Variants in KIRREL3 observed in about 807,000 individuals in gnomAD.
KIRREL3 encodes kirre like nephrin family adhesion molecule 3.
Under a neutral mutation model 89.7 loss-of-function variants are expected in KIRREL3, and 36 were observed. The ratio of observed to expected loss-of-function variants is 0.40; its 90% CI spans 0.31 to 0.53. The LOEUF (loss-of-function observed/expected upper bound fraction) is 0.53. KIRREL3 is among the 20% of genes least tolerant of loss of function. KIRREL3 has a pLI of 0.49. For synonymous variants in KIRREL3, 445 were observed against 441.4 expected, an observed-to-expected ratio of 1.01 and a Z score of -0.10; for missense variants, 864 against 1,056.6, an observed-to-expected ratio of 0.82 and a Z score of 2.53.
chr11:126,479,702 G>A (rs1957169997), intron 4 of KIRREL3, among the ~76,000 whole-genome samples: 1 of 152,204 alleles, frequency 6.6e-6, no homozygotes, highest in African/African-American at 2.4e-5. Flanking sequence ...TTCACAGGCT[G>A]CCTGCTCCCT....
chr11:126,683,119 G>T lies in KIRREL3; in HGVS notation c.56-120207C>A, dbSNP rs180682059. ...GATCTTACCGCCTCAGCCTTCCAAA[G>T]TGTTGCAATTACAAGCGTGAGCCAC... On this transcript the variant is annotated intron_variant, in intron 1 of 16. Transcript: ENST00000525144. The surrounding 1 kb of genome is among the most constrained non-coding windows in gnomAD (Gnocchi z 5.2). Among the ~76,000 whole-genome samples, 4 of 152,216 alleles carry T rather than the reference G, an allele frequency of 2.6e-5. No individual in the cohort carries two copies. The highest frequency in any genetic ancestry group is 2.0e-4 in the Admixed American group (3 of 15,300).
At chr11:127,001,719 T>C (rs66464640), upstream of KIRREL3, among the ~76,000 whole-genome samples, 20,300 of 151,778 alleles carry the variant, frequency 0.13, 1,537 homozygotes, top group Admixed American at 0.19. Flanking sequence ...ATTTACTTAA[T>C]AGACATTTAG....
intron 1 of KIRREL3, among the ~76,000 whole-genome samples, chr11:126,937,439 T>C (rs1948239075): frequency 6.6e-6 from 1 of 152,214 alleles, no homozygotes; most frequent in African/African-American, 2.4e-5. Flanking sequence ...GCAGGCGCTC[T>C]TGGTTGACAG....
Position 126,764,234 on chromosome 11 carries a change from C to T in KIRREL3, c.56-201322G>A, listed in dbSNP as rs1282024540. The stretch of plus-strand genomic sequence containing the variant: ...CCTGGAAAGGCATCAGACAGCAGGT[C>T]GCTCTGGTCAATGGGCCCACGGCAG... On this transcript the variant is annotated intron_variant, in intron 1 of 16. Transcript: ENST00000525144. The surrounding 1 kb of genome is among the most constrained non-coding windows in gnomAD (Gnocchi z 4.2). Among the ~76,000 whole-genome samples, 2 of 152,144 alleles carry T rather than the reference C, an allele frequency of 1.3e-5. No homozygotes were observed. The highest frequency in any genetic ancestry group is 6.5e-5 in the Admixed American group (1 of 15,276).
rs745898659 is a variant in KIRREL3 at position 126,463,293 on chromosome 11, G to A, written c.606C>T (p.Asp202=). Residue 202 remains aspartate, a synonymous_variant, in exon 6 of 17, where the codon GAC becomes GAT. Coordinates refer to ENST00000525144, the MANE Select transcript of KIRREL3 (RefSeq NM_032531.4). This position sits in a 1 kb window ranked among gnomAD's most constrained non-coding sequence, Gnocchi z 5.9. The part of the protein sequence containing the change: ...GATYSKTLLR[D]GKRESIVSTL... ...TGCTGACGATGCTCTCCCGCTTGCC[G>A]TCCCGAAGCAGGGTCTTGGGAGAAA... 1.4e-5 allele frequency: 22 copies of A among 1,613,186 alleles called. No homozygotes were observed. Among genetic ancestry groups the A allele is most frequent in the South Asian group, 3.3e-5 (3 of 90,970 alleles).
Position 126,521,280 on chromosome 11 carries a change from G to A in KIRREL3, c.433+35C>T, listed in dbSNP as rs1397913127. ...TGGAGCTGAGCCCTTGGTGCTTCAC[G>A]CAGTGTCCCAGCCCCGTGTGCAGAT... On this transcript the variant is annotated intron_variant, in intron 4 of 16. Coordinates refer to ENST00000525144, the MANE Select transcript of KIRREL3 (RefSeq NM_032531.4). The surrounding 1 kb of genome is among the most constrained non-coding windows in gnomAD (Gnocchi z 4.1). The A allele has an allele frequency of 8.7e-6, 13 of 1,488,394 alleles. No homozygotes were observed. Among genetic ancestry groups the A allele is most frequent in the South Asian group, 6.7e-5 (5 of 74,630 alleles). The allele number at this position is 1,488,394 out of a possible 1,614,324, so 92.2% of individuals were successfully genotyped here. A position where few individuals can be genotyped will look rare whatever the true frequency, so the allele number is the denominator to read the frequency against.
chr11:126,864,480 T>C (rs1350524947), intron 1 of KIRREL3, among the ~76,000 whole-genome samples: 1 of 152,192 alleles, frequency 6.6e-6, no homozygotes, highest in East Asian at 1.9e-4. Context: ...GGTGGCACAG[T>C]TCTGGAATTC....
At position 126,991,977 on chromosome 11, in the gene KIRREL3, A is replaced by C. The variant is rs74811808; in HGVS notation, c.55+8478T>G. On this transcript the variant is annotated intron_variant, in intron 1 of 16. Coordinates refer to ENST00000525144, the MANE Select transcript of KIRREL3 (RefSeq NM_032531.4). The surrounding 1 kb of genome is among the most constrained non-coding windows in gnomAD (Gnocchi z 5.8). ...ATGACAGCAATAATGCCCACTTCTC[A>C]TTACTTCTGCTGATGAAATGAGGTA... 4.7e-3 allele frequency among the ~76,000 whole-genome samples: 718 copies of C among 152,334 alleles called. 10 individuals carry two copies. The highest frequency in any genetic ancestry group is 0.016 in the African/African-American group (667 of 41,582).
In KIRREL3 at chr11:126,983,534, GA is replaced by G. The variant is rs1263520738; in HGVS notation, c.55+16920del. ...CTGATATAATCACTTGGTTCCTTATGAGAAAGAAGCAGGTGGATCAGAGTCA... is the reference window on the plus strand; with the variant it reads ...CTGATATAATCACTTGGTTCCTTATGGAAAGAAGCAGGTGGATCAGAGTCA... On this transcript the variant is annotated intron_variant, in intron 1 of 16. Transcript: ENST00000525144. This position sits in a 1 kb window ranked among gnomAD's most constrained non-coding sequence, Gnocchi z 4.9. 6.6e-6 allele frequency among the ~76,000 whole-genome samples: 1 copy of G among 152,202 alleles called. No individual in the cohort carries two copies. Among genetic ancestry groups the G allele is most frequent in the Non-Finnish European group, 1.5e-5 (1 of 68,036 alleles).
chr11:126,681,085 T>C (rs1946433021), intron 1 of KIRREL3, among the ~76,000 whole-genome samples: 1 of 152,168 alleles, frequency 6.6e-6, no homozygotes, highest in South Asian at 2.1e-4. Flanking sequence ...TGTCAAAATG[T>C]TTTCCTGCAG....
At chr11:126,442,350 ACAC>A (rs762522499) in intron 10 of KIRREL3, among the ~76,000 whole-genome samples, 6,503 of 134,972 alleles carry the variant, frequency 0.048, 184 homozygotes, top group Non-Finnish European at 0.067. Flanking sequence ...ACACACACAC[ACAC>A]AAAACCTTTT....
chr11:126,859,458 A>G (rs1476102899), intron 1 of KIRREL3, among the ~76,000 whole-genome samples: 1 of 152,110 alleles, frequency 6.6e-6, no homozygotes, highest in African/African-American at 2.4e-5. Context: ...TTTATAAACA[A>G]AGAGCAACTG....
chr11:126,583,340 A>C lies in KIRREL3; in HGVS notation c.56-20428T>G, dbSNP rs191068225. On this transcript the variant is annotated intron_variant, in intron 1 of 16. Coordinates refer to ENST00000525144, the MANE Select transcript of KIRREL3 (RefSeq NM_032531.4). Reference sequence around the variant, plus strand: ...GATTTCCTATTTCAGGGACTCTGAAATCTCCAGTTCTGCCAAACAGCAGGT... The same window carrying C: ...GATTTCCTATTTCAGGGACTCTGAACTCTCCAGTTCTGCCAAACAGCAGGT... Among the ~76,000 whole-genome samples the C allele has an allele frequency of 1.1e-3, 167 of 152,072 alleles. 1 individual carries two copies. Among genetic ancestry groups the C allele is most frequent in the African/African-American group, 3.8e-3 (156 of 41,480 alleles).
At position 126,575,308 on chromosome 11, in the gene KIRREL3, T is replaced by G. The variant is rs1941200554; in HGVS notation, c.56-12396A>C. ...GGTTGGACCATTGATCCCACAGCCC[T>G]GGGGCCTTCTCACAGTAGTGTGGGT... On this transcript the variant is annotated intron_variant, in intron 1 of 16. Transcript: ENST00000525144. The surrounding 1 kb of genome is among the most constrained non-coding windows in gnomAD (Gnocchi z 7.0). 6.6e-6 allele frequency among the ~76,000 whole-genome samples: 1 copy of G among 152,182 alleles called. No homozygotes were observed. The highest frequency in any genetic ancestry group is 6.5e-5 in the Admixed American group (1 of 15,290).
intron 16 of KIRREL3, among the ~76,000 whole-genome samples, chr11:126,425,240 G>A (rs6590205): frequency 0.54 from 81,419 of 152,036 alleles, 22,195 homozygotes; most frequent in East Asian, 0.72. Flanking sequence ...GGGGGACTGC[G>A]GACCCCAGGA....
chr11:126,789,872 C>T (rs920517528), intron 1 of KIRREL3, among the ~76,000 whole-genome samples: 1 of 152,222 alleles, frequency 6.6e-6, no homozygotes, highest in Non-Finnish European at 1.5e-5. Flanking sequence ...GCTGTACTCT[C>T]TTTCATAATC....
chr11:126,824,488 C>T (rs1049100373), intron 1 of KIRREL3, among the ~76,000 whole-genome samples: 3 of 152,188 alleles, frequency 2.0e-5, no homozygotes, highest in African/African-American at 4.8e-5. Context: ...AGGTCTCAAT[C>T]GATCCAGAAA....
At position 126,561,584 on chromosome 11, in the gene KIRREL3, GA is replaced by G. The variant is rs1443059487; in HGVS notation, c.133+1250del. On this transcript the variant is annotated intron_variant, in intron 2 of 16. Coordinates refer to ENST00000525144, the MANE Select transcript of KIRREL3 (RefSeq NM_032531.4). This position sits in a 1 kb window ranked among gnomAD's most constrained non-coding sequence, Gnocchi z 4.5. ...GGAGGGAAGGGGAGGCTGAGAAAGAGAAAAGTCAGTAAAGGCAACTGACTAG... is the reference window on the plus strand; with the variant it reads ...GGAGGGAAGGGGAGGCTGAGAAAGAGAAAGTCAGTAAAGGCAACTGACTAG... Among the ~76,000 whole-genome samples the G allele has an allele frequency of 6.6e-6, 1 of 152,150 alleles. No individual in the cohort carries two copies. The highest frequency in any genetic ancestry group is 1.5e-5 in the Non-Finnish European group (1 of 68,028).
At position 126,520,340 on chromosome 11, in the gene KIRREL3, G is replaced by A. The variant is rs572282922; in HGVS notation, c.433+975C>T. 1.1e-3 allele frequency among the ~76,000 whole-genome samples: 172 copies of A among 152,300 alleles called. No homozygotes were observed. The highest frequency in any genetic ancestry group is 4.1e-3 in the African/African-American group (169 of 41,562). On this transcript the variant is annotated intron_variant, in intron 4 of 16. Coordinates refer to ENST00000525144, the MANE Select transcript of KIRREL3 (RefSeq NM_032531.4). The surrounding 1 kb of genome is among the most constrained non-coding windows in gnomAD (Gnocchi z 4.9). ...GCACAGACTCACGTGTAAGGGGGCA[G>A]CGAGGTGGGGCAGGTAGCCCTGGAG... is the stretch of plus-strand genomic sequence containing the variant.
Sources: gnomAD v4.1 joint callset for allele counts (sites outside exome capture counted in the v4.1 genomes callset) on GRCh38, gnomAD v4.1.1 for gene constraint, Gnocchi (gnomAD v3.1) non-coding constraint, MANE v1.5 for transcripts, NCBI Gene and HGNC (gene_info 2026-07-23, HGNC 2026-07-21) for gene names.